The following PDE4D variants were observed in gnomAD, a reference collection of about 807,000 sequenced individuals.
PDE4D encodes the protein phosphodiesterase 4D.
In PDE4D, 24 loss-of-function variants were observed where a neutral mutation model predicts 87.4. That is an observed-to-expected ratio of 0.27 (90% confidence interval 0.20 to 0.39). The LOEUF is 0.39. Among genes scored for constraint, PDE4D ranks in the 10% least tolerant of loss-of-function variants. The pLI, the probability that PDE4D is intolerant of heterozygous loss-of-function variation, is 1.00. For missense variants in PDE4D, 714 were observed against 1,041.0 expected (o/e 0.69, Z 4.32); for synonymous variants, 384 against 383.2 (o/e 1.00, Z -0.02).
intron 1 of PDE4D, among the ~76,000 whole-genome samples, chr5:59,786,165 T>C (rs1765153759): frequency 6.6e-6 from 1 of 152,304 alleles, no homozygotes; most frequent in Non-Finnish European, 1.5e-5. Flanking sequence ...GAAAGTTCCA[T>C]CGATCAGCTC....
intron 2 of PDE4D, among the ~76,000 whole-genome samples, chr5:60,002,661 T>A (rs1764124788): frequency 6.6e-6 from 1 of 152,124 alleles, no homozygotes; most frequent in African/African-American, 2.4e-5. Flanking sequence ...CAATGAAAGA[T>A]AAAGATCATA....
intron 1 of PDE4D, among the ~76,000 whole-genome samples, chr5:59,393,085 A>G (rs903603303): frequency 2.6e-5 from 4 of 152,166 alleles, no homozygotes; most frequent in Non-Finnish European, 5.9e-5. Context: ...TAGACTGGAT[A>G]ATTAGGAAAA....
intron 1 of PDE4D, among the ~76,000 whole-genome samples, chr5:60,511,459 A>G (rs1317781946): frequency 6.6e-6 from 1 of 151,704 alleles, no homozygotes; most frequent in Non-Finnish European, 1.5e-5. Flanking sequence ...CTACTGGAAT[A>G]TTATTTGCCA....
At chr5:59,433,813 A>G (rs1406673305) in intron 1 of PDE4D, among the ~76,000 whole-genome samples, 1 of 152,042 alleles carries the variant, frequency 6.6e-6, no homozygotes, top group Non-Finnish European at 1.5e-5. Flanking sequence ...TGGAACATCA[A>G]TTTTCATCAC....
intron 1 of PDE4D, among the ~76,000 whole-genome samples, chr5:59,494,500 T>C (rs917687944): frequency 1.1e-4 from 16 of 152,186 alleles, no homozygotes; most frequent in African/African-American, 3.1e-4. Context: ...CCTAGAAATT[T>C]ATTTTCTGGT....
At chr5:59,753,101 G>C (rs979207242) in intron 1 of PDE4D, among the ~76,000 whole-genome samples, 5 of 152,222 alleles carry the variant, frequency 3.3e-5, no homozygotes, top group East Asian at 1.9e-4. Context: ...TTTATTTTCT[G>C]GTCCTTTTGT....
intron 1 of PDE4D, among the ~76,000 whole-genome samples, chr5:60,357,903 C>T (rs568626092): frequency 3.9e-5 from 6 of 152,122 alleles, no homozygotes; most frequent in Non-Finnish European, 8.8e-5. Context: ...CTCCACTTAC[C>T]ACATATATGC....
intron 6 of PDE4D, among the ~76,000 whole-genome samples, chr5:58,995,721 T>C (rs1230938163): frequency 6.6e-6 from 1 of 152,194 alleles, no homozygotes; most frequent in Non-Finnish European, 1.5e-5. Context: ...ACTGTAGTTA[T>C]AACCATAAAA....
chr5:60,174,945 T>C lies in PDE4D; in HGVS notation c.42+10612A>G, dbSNP rs140977864. 5.4e-3 allele frequency among the ~76,000 whole-genome samples: 816 copies of C among 152,230 alleles called. 7 individuals carry two copies. The highest frequency in any genetic ancestry group is 0.018 in the African/African-American group (751 of 41,544). On this transcript the variant is annotated intron_variant, in intron 2 of 16. Coordinates refer to the PDE4D transcript ENST00000502484. ...TTGATATACTTGGAGATTTTGAGTC[T>C]GTGATTTGGTGTCCATCATCAATTT...
At chr5:59,611,116 G>C (rs1828944040) in intron 1 of PDE4D, among the ~76,000 whole-genome samples, 1 of 152,160 alleles carries the variant, frequency 6.6e-6, no homozygotes, top group South Asian at 2.1e-4. Context: ...TACCTGAGTA[G>C]ATTAGAAATA....
chr5:60,466,088 C>T (rs1226591134), intron 1 of PDE4D, among the ~76,000 whole-genome samples: 1 of 152,142 alleles, frequency 6.6e-6, no homozygotes, highest in Non-Finnish European at 1.5e-5. Flanking sequence ...TAACATTAGA[C>T]TTCTGACTAT....
intron 1 of PDE4D, among the ~76,000 whole-genome samples, chr5:59,609,275 T>C (rs189074984): frequency 2.0e-5 from 3 of 152,026 alleles, no homozygotes; most frequent in East Asian, 1.9e-4. Context: ...CATGGCAAGA[T>C]TGCACTTTCT....
At chr5:60,065,608 C>A (rs12189355) in intron 2 of PDE4D, among the ~76,000 whole-genome samples, 21,003 of 151,898 alleles carry the variant, frequency 0.14, 1,503 homozygotes, top group Middle Eastern at 0.22. Context: ...CCACAACAGT[C>A]CCCAGAGTGT....
chr5:59,024,804 C>G (rs1022621183), intron 6 of PDE4D, among the ~76,000 whole-genome samples: 5 of 152,040 alleles, frequency 3.3e-5, no homozygotes, highest in African/African-American at 4.8e-5. Flanking sequence ...TCTTAGAAAC[C>G]ATACTGACAA....
At chr5:59,300,970 T>C (rs1446232730) in intron 1 of PDE4D, among the ~76,000 whole-genome samples, 1 of 152,186 alleles carries the variant, frequency 6.6e-6, no homozygotes, top group African/African-American at 2.4e-5. Flanking sequence ...ATTGCAAATG[T>C]TACCGATTAA....
At chr5:59,087,360 C>T (rs1247092292) in intron 5 of PDE4D, among the ~76,000 whole-genome samples, 1 of 151,990 alleles carries the variant, frequency 6.6e-6, no homozygotes, top group Non-Finnish European at 1.5e-5. Flanking sequence ...GTGGTGCGTG[C>T]TTATAGTCCC....
chr5:59,792,090 G>T (rs1387180960), intron 1 of PDE4D, among the ~76,000 whole-genome samples: 1 of 152,182 alleles, frequency 6.6e-6, no homozygotes, highest in Non-Finnish European at 1.5e-5. Flanking sequence ...AGTGACAACA[G>T]AACTCAGTTC....
At chr5:59,760,265 T>A (rs543893075) in intron 1 of PDE4D, among the ~76,000 whole-genome samples, 43 of 152,294 alleles carry the variant, frequency 2.8e-4, no homozygotes, top group Non-Finnish European at 5.7e-4. Context: ...ACAAAAAATA[T>A]GGCCAAAATC....
intron 1 of PDE4D, among the ~76,000 whole-genome samples, chr5:59,838,118 A>G (rs994682313): frequency 6.6e-6 from 1 of 152,108 alleles, no homozygotes. Flanking sequence ...TAAATAACTC[A>G]GTGTATAAAG....
Sources: allele counts gnomAD v4.1 joint callset (sites outside exome capture counted in the v4.1 genomes callset), GRCh38; gene constraint gnomAD v4.1.1; transcripts MANE v1.5; gene names NCBI Gene and HGNC (gene_info 2026-07-23, HGNC 2026-07-21).